The following PAIP2 variants were observed in gnomAD, a reference collection of about 807,000 sequenced individuals.
PAIP2 encodes the protein polyadenylate-binding protein-interacting protein 2.
PAIP2 carries 7 observed loss-of-function variants against 14.8 expected under a neutral mutation model. The ratio of observed to expected loss-of-function variants is 0.47; its 90% CI spans 0.27 to 0.89. The LOEUF (loss-of-function observed/expected upper bound fraction) is 0.89. Ranked by LOEUF, PAIP2 falls within the 40% of genes least tolerant of loss-of-function variation. The pLI, the probability that PAIP2 is intolerant of heterozygous loss-of-function variation, is 0.13. For missense variants in PAIP2, 122 were observed against 154.7 expected (o/e 0.79, Z 1.12); for synonymous variants, 47 against 45.3 (o/e 1.04, Z -0.15).
chr5:139,357,593 G>A (rs987286705), intron 1 of PAIP2, among the ~76,000 whole-genome samples: 16 of 152,144 alleles, frequency 1.1e-4, no homozygotes, highest in Non-Finnish European at 1.8e-4. Context: ...AACACTCTGG[G>A]AGGCTGAAGC....
Position 139,363,907 on chromosome 5 carries a change from A to C in PAIP2, c.123A>C (p.Glu41Asp). 1.9e-6 allele frequency: 3 copies of C among 1,613,746 alleles called. No homozygotes were observed. The highest frequency in any genetic ancestry group is 1.3e-5 in the African/African-American group (1 of 75,058). The change falls in exon 2 of 4, where the codon GAA becomes GAC. Residue 41 changes from glutamate (E) to aspartate (D), a missense_variant. Glu to Asp is a conservative substitution (Grantham distance 45). Coordinates refer to ENST00000265192, the MANE Select transcript of PAIP2 (RefSeq NM_016480.5). ...AGTACATGTGGATGGAAAATGAAGA[A>C]GAATTCAACAGACAAGTTAGTTTTT... ...FAEYMWMENE[E>D]EFNRQIEEEL...
At chr5:139,368,209 G>A (rs1757405721) in intron 3 of PAIP2, among the ~76,000 whole-genome samples, 1 of 151,852 alleles carries the variant, frequency 6.6e-6, no homozygotes, top group Admixed American at 6.6e-5. Flanking sequence ...GTGGCGGTGG[G>A]CGCCTGTAGT....
intron 1 of PAIP2, among the ~76,000 whole-genome samples, chr5:139,353,488 G>C (rs1193841384): frequency 6.6e-6 from 1 of 152,104 alleles, no homozygotes; most frequent in African/African-American, 2.4e-5. Flanking sequence ...GGTTACCCTG[G>C]AGGTTATAAT....
At chr5:139,354,437 A>G (rs1247037385) in intron 1 of PAIP2, among the ~76,000 whole-genome samples, 1 of 152,052 alleles carries the variant, frequency 6.6e-6, no homozygotes, top group Non-Finnish European at 1.5e-5. Context: ...TGGTGTTTTC[A>G]AGATGCTCTC....
chr5:139,357,188 C>T (rs1402454952), intron 1 of PAIP2, among the ~76,000 whole-genome samples: 1 of 152,182 alleles, frequency 6.6e-6, no homozygotes, highest in Non-Finnish European at 1.5e-5. Flanking sequence ...AACAGCTCTG[C>T]CTTTGCCTTC....
At chr5:139,360,548 A>T (rs916688324) in intron 1 of PAIP2, among the ~76,000 whole-genome samples, 1 of 151,984 alleles carries the variant, frequency 6.6e-6, no homozygotes. Context: ...GCTGGAGTGC[A>T]GTGGCACTAT....
intron 2 of PAIP2, 63 bp downstream of exon 2, chr5:139,363,985 T>A: frequency 7.1e-7 from 1 of 1,404,306 alleles, no homozygotes; most frequent in Non-Finnish European, 1.0e-6. Context: ...ATTGTACTTG[T>A]CCCTGAAATG....
intron 3 of PAIP2, among the ~76,000 whole-genome samples, chr5:139,368,058 G>A (rs1424175644): frequency 3.9e-5 from 6 of 152,102 alleles, no homozygotes; most frequent in African/African-American, 9.7e-5. Flanking sequence ...AAATTAGGCC[G>A]GGCGCGGTGG....
At chr5:139,362,124 C>T (rs1190065780) in intron 1 of PAIP2, among the ~76,000 whole-genome samples, 1 of 152,102 alleles carries the variant, frequency 6.6e-6, no homozygotes, top group East Asian at 1.9e-4. Context: ...CTTTCAATCC[C>T]TGGACTTTTT....
chr5:139,353,084 G>C (rs1756797833), intron 1 of PAIP2, among the ~76,000 whole-genome samples: 1 of 150,972 alleles, frequency 6.6e-6, no homozygotes, highest in Admixed American at 6.6e-5. Context: ...TCCAGCCTGG[G>C]CAACAAGAAT....
Position 139,368,839 on chromosome 5 carries a change from A to C in PAIP2, c.*41A>C. On this transcript the variant is annotated 3_prime_UTR_variant, in exon 4 of 4. Transcript: ENST00000265192. Reference sequence around the variant, plus strand: ...TTTTGGTGGATGTAGCACAATTTCCACACTGTGAAGGCAGTATTAGAAGAC... The same window carrying C: ...TTTTGGTGGATGTAGCACAATTTCCCCACTGTGAAGGCAGTATTAGAAGAC... 1.4e-6 allele frequency: 2 copies of C among 1,392,720 alleles called. No individual in the cohort carries two copies. Among genetic ancestry groups the C allele is most frequent in the Non-Finnish European group, 2.0e-6 (2 of 979,236 alleles). 86.3% of individuals were successfully genotyped at this position (1,392,720 alleles called of 1,614,324 possible). A position where few individuals can be genotyped will look rare whatever the true frequency, so the allele number is the denominator to read the frequency against.
chr5:139,363,800 C>T lies in PAIP2; in HGVS notation c.16C>T (p.Arg6Cys), dbSNP rs576725648. The T allele has an allele frequency of 5.6e-6, 9 of 1,613,688 alleles. No individual in the cohort carries two copies. The highest frequency in any genetic ancestry group is 2.2e-5 in the East Asian group (1 of 44,876). ...AACATCAGCCATGAAAGATCCAAGT[C>T]GCAGCAGTACTAGCCCAAGCATCAT... MKDPS[R>C]SSTSPSIINE... Residue 6 changes from arginine to cysteine, a missense_variant, in exon 2 of 4, where the codon CGC (arginine) becomes TGC (cysteine). Arg to Cys is a radical substitution (Grantham distance 180). Coordinates refer to ENST00000265192, the MANE Select transcript of PAIP2 (RefSeq NM_016480.5).
chr5:139,364,935 A>C (rs1184490762), intron 3 of PAIP2, 192 bp downstream of exon 3: 1 of 428,058 alleles, frequency 2.3e-6, no homozygotes, highest in Non-Finnish European at 4.2e-6. Flanking sequence ...ACTTGAGGTC[A>C]GGAGTTTGAG....
intron 1 of PAIP2, among the ~76,000 whole-genome samples, chr5:139,357,253 G>A (rs1187001828): frequency 6.6e-6 from 1 of 152,148 alleles, no homozygotes; most frequent in Non-Finnish European, 1.5e-5. Context: ...GCCTTTTCAG[G>A]TCTTTTCTGA....
intron 1 of PAIP2, among the ~76,000 whole-genome samples, chr5:139,355,527 A>G (rs1022748666): frequency 2.6e-5 from 4 of 151,806 alleles, no homozygotes; most frequent in Middle Eastern, 3.4e-3. Flanking sequence ...GGTTCCTTTT[A>G]TTTTTTTCTA....
chr5:139,361,355 G>T (rs1757062478), intron 1 of PAIP2, among the ~76,000 whole-genome samples: 2 of 152,102 alleles, frequency 1.3e-5, no homozygotes, highest in Non-Finnish European at 2.9e-5. Flanking sequence ...TATATTTCCA[G>T]TAGGAGATTT....
At chr5:139,347,514 T>C (rs1055440562) in intron 1 of PAIP2, among the ~76,000 whole-genome samples, 1 of 152,034 alleles carries the variant, frequency 6.6e-6, no homozygotes, top group African/African-American at 2.4e-5. Flanking sequence ...CCTCAAATGA[T>C]CCACCCACCT....
At chr5:139,357,446 G>A (rs766399616) in intron 1 of PAIP2, among the ~76,000 whole-genome samples, 3 of 152,148 alleles carry the variant, frequency 2.0e-5, no homozygotes, top group Non-Finnish European at 2.9e-5. Flanking sequence ...TGACAAATAT[G>A]TGTGCTACTG....
intron 1 of PAIP2, among the ~76,000 whole-genome samples, chr5:139,361,953 A>AG (rs905987881): frequency 6.6e-6 from 1 of 150,674 alleles, no homozygotes; most frequent in African/African-American, 2.5e-5. Flanking sequence ...AAAAAAAAAA[A>AG]AAGATGCCTG....
Sources: gnomAD v4.1 joint callset for allele counts (sites outside exome capture counted in the v4.1 genomes callset) on GRCh38, gnomAD v4.1.1 for gene constraint, MANE v1.5 for transcripts, NCBI Gene and HGNC (gene_info 2026-07-23, HGNC 2026-07-21) for gene names.